PHLDB2: variants seen among roughly 807,000 people sequenced by gnomAD.
PHLDB2 encodes the protein pleckstrin homology like domain family B member 2.
Under a neutral mutation model 123.6 loss-of-function variants are expected in PHLDB2, and 71 were observed. The observed-to-expected ratio is 0.57, with a 90% CI of 0.47 to 0.70. The LOEUF (loss-of-function observed/expected upper bound fraction) is 0.70, where lower values mean the gene tolerates loss of function less well. Ranked by LOEUF, PHLDB2 falls within the 30% of genes least tolerant of loss-of-function variation. The pLI is 0.00. For missense variants in PHLDB2, 1,446 were observed against 1,519.5 expected, an observed-to-expected ratio of 0.95 and a Z score of 0.80; for synonymous variants, 547 against 541.6, an observed-to-expected ratio of 1.01 and a Z score of -0.14.
chr3:111,828,698 T>C (rs761455475), intron 1 of PHLDB2, among the ~76,000 whole-genome samples: 12 of 152,164 alleles, frequency 7.9e-5, no homozygotes, highest in Non-Finnish European at 1.6e-4. Context: ...GAAGAATCAT[T>C]TGAGCCTGGA....
intron 16 of PHLDB2, among the ~76,000 whole-genome samples, chr3:111,971,265 A>G (rs1192323399): frequency 1.3e-5 from 2 of 152,148 alleles, no homozygotes; most frequent in African/African-American, 4.8e-5. Context: ...ACTTCACACA[A>G]AACTGCTTCA....
intron 11 of PHLDB2, among the ~76,000 whole-genome samples, chr3:111,953,603 T>G (rs887209424): frequency 6.6e-6 from 1 of 152,318 alleles, no homozygotes; most frequent in South Asian, 2.1e-4. Flanking sequence ...GCATGCATTC[T>G]TGGCCCTGCA....
upstream of PHLDB2, among the ~76,000 whole-genome samples, chr3:111,856,464 A>G (rs1257416526): frequency 6.6e-6 from 1 of 152,242 alleles, no homozygotes; most frequent in African/African-American, 2.4e-5. Context: ...TCACCGCATC[A>G]ACTAATATTG....
At chr3:111,744,350 A>G (rs902235227) in intron 1 of PHLDB2, among the ~76,000 whole-genome samples, 1 of 152,242 alleles carries the variant, frequency 6.6e-6, no homozygotes, top group Non-Finnish European at 1.5e-5. Flanking sequence ...GGAAGTGTCA[A>G]TTGCTACAAC....
At chr3:111,965,000 G>C (rs1264820611) in intron 13 of PHLDB2, among the ~76,000 whole-genome samples, 1 of 152,116 alleles carries the variant, frequency 6.6e-6, no homozygotes, top group East Asian at 1.9e-4. Context: ...ATAATTTTAT[G>C]CCCTTATACG....
At chr3:111,850,107 C>A (rs1232179188) in intron 2 of PHLDB2, among the ~76,000 whole-genome samples, 3 of 152,186 alleles carry the variant, frequency 2.0e-5, no homozygotes, top group South Asian at 2.1e-4. Flanking sequence ...GTGATCCACC[C>A]ACCTCGGCCT....
chr3:111,975,296 AG>A lies in PHLDB2; in HGVS notation c.*734del, dbSNP rs1442555061. 1.3e-5 allele frequency: 2 copies of A among 152,198 alleles called. No individual in the cohort carries two copies. The highest frequency in any genetic ancestry group is 1.3e-4 in the Admixed American group (2 of 15,282). 9.4% of individuals were successfully genotyped at this position (152,198 alleles called of 1,614,324 possible). ...TTTTGTAAAAGAAGAAAGAGCAAAA[AG>A]CTGTGTGTTTTAGAAAAAAAAGCCA... is the stretch of plus-strand genomic sequence containing the variant. On this transcript the variant is annotated 3_prime_UTR_variant, in exon 18 of 18. Transcript: ENST00000431670.
chr3:111,939,545 G>A lies in PHLDB2; in HGVS notation c.2201G>A (p.Ser734Asn). The change falls in exon 7 of 18, where the codon AGC becomes AAC. Residue 734 changes from serine to asparagine, a missense_variant. This residue lies in a region of PHLDB2 where 594 missense variants were observed against 646.0 expected (regional missense o/e 0.92). Coordinates refer to ENST00000431670, the MANE Select transcript of PHLDB2 (RefSeq NM_001134438.2). Reference sequence around the variant, plus strand: ...GAGTTCCAGCAGCTTGAACATGAGAGCCGTCTAGATGAAGAAAAGGAGAAC... The same window carrying A: ...GAGTTCCAGCAGCTTGAACATGAGAACCGTCTAGATGAAGAAAAGGAGAAC... ...DLEFQQLEHE[S>N]RLDEEKENLT... The A allele has an allele frequency of 6.2e-7, 1 of 1,613,890 alleles. No homozygotes were observed. Among genetic ancestry groups the A allele is most frequent in the Non-Finnish European group, 8.5e-7 (1 of 1,179,870 alleles).
At chr3:111,834,695 C>A (rs1176858244) in intron 1 of PHLDB2, among the ~76,000 whole-genome samples, 2 of 151,900 alleles carry the variant, frequency 1.3e-5, no homozygotes, top group African/African-American at 4.8e-5. Context: ...ATAAATGCTG[C>A]CAAATTATTG....
intron 1 of PHLDB2, among the ~76,000 whole-genome samples, chr3:111,818,065 C>T (rs2062181196): frequency 6.6e-6 from 1 of 151,762 alleles, no homozygotes; most frequent in African/African-American, 2.4e-5. Context: ...TGAAAAAAGG[C>T]CTTTGATATA....
intron 1 of PHLDB2, among the ~76,000 whole-genome samples, chr3:111,765,810 A>T (rs1287699272): frequency 3.3e-5 from 5 of 152,194 alleles, no homozygotes; most frequent in African/African-American, 4.8e-5. Context: ...TTTGAAACTT[A>T]AGGTGGAAAA....
At chr3:111,775,890 TAA>T (rs1450482750) in intron 1 of PHLDB2, among the ~76,000 whole-genome samples, 1 of 152,178 alleles carries the variant, frequency 6.6e-6, no homozygotes, top group Non-Finnish European at 1.5e-5. Context: ...CTTTCTAAAA[TAA>T]GTTTTAAAAG....
At chr3:111,902,474 AAAAT>A (rs1225059065) in intron 2 of PHLDB2, among the ~76,000 whole-genome samples, 1 of 152,166 alleles carries the variant, frequency 6.6e-6, no homozygotes, top group Non-Finnish European at 1.5e-5. Flanking sequence ...GAAGAAAATA[AAAAT>A]AAATAAACAT....
intron 2 of PHLDB2, among the ~76,000 whole-genome samples, chr3:111,894,654 C>A (rs1696601): frequency 0.93 from 140,100 of 150,950 alleles, 65,104 homozygotes; most frequent in East Asian, 1. Flanking sequence ...CATTTCTCTA[C>A]TGACCAGTGA....
At chr3:111,872,415 A>C (rs1249345841) in intron 1 of PHLDB2, among the ~76,000 whole-genome samples, 1 of 151,630 alleles carries the variant, frequency 6.6e-6, no homozygotes. Context: ...TCCCTTCCCC[A>C]CTTCCCTCCC....
intron 1 of PHLDB2, among the ~76,000 whole-genome samples, chr3:111,876,283 C>CTG (rs2065615360): frequency 6.6e-6 from 1 of 152,086 alleles, no homozygotes; most frequent in Non-Finnish European, 1.5e-5. Flanking sequence ...TGACCCCTAC[C>CTG]TGTGTGTGTG....
rs769147841 is a variant in PHLDB2 at position 111,780,327 on chromosome 3, A to AGAGGAAGAAGAG, written c.-49+47626_-49+47627insGGAAGAAGAGGA. Among the ~76,000 whole-genome samples the AGAGGAAGAAGAG allele has an allele frequency of 5.8e-4, 6 of 10,388 alleles. 1 individual carries two copies. The highest frequency in any genetic ancestry group is 1.4e-3 in the Admixed American group (1 of 710). The allele number at this position is 10,388 out of a possible 152,430, so 6.8% of individuals were successfully genotyped here. A position where few individuals can be genotyped will look rare whatever the true frequency, so the allele number is the denominator to read the frequency against. On this transcript the variant is annotated intron_variant, in intron 1 of 17. Transcript: ENST00000393923. ...AGGAAGAGGAAGAGGAAGAGGAAGA[A>AGAGGAAGAAGAG]GAAGAAGAAGAAGAAGAAGAAGAAG... is the stretch of plus-strand genomic sequence containing the variant.
At position 111,892,314 on chromosome 3, in the gene PHLDB2, C is replaced by T. The variant is rs1050067776; in HGVS notation, c.1335+6902C>T. Among the ~76,000 whole-genome samples, 4 of 152,194 alleles carry T rather than the reference C, an allele frequency of 2.6e-5. No individual in the cohort carries two copies. The East Asian group carries it at 7.7e-4, about 29-fold the overall frequency. On this transcript the variant is annotated intron_variant, in intron 2 of 17. Transcript: ENST00000431670. ...TTGAAGGTGTTTTGTCCTTATAGTT[C>T]CCATGAAAGCACTTTATAACTATAT...
intron 2 of PHLDB2, 32 bp downstream of exon 2, chr3:111,885,444 CT>C (rs1278168518): frequency 3.1e-6 from 5 of 1,613,394 alleles, no homozygotes; most frequent in Middle Eastern, 1.6e-4. Flanking sequence ...ATTGACCTCA[CT>C]GTTTCATTAA....
Sources: gnomAD v4.1 joint callset for allele counts (sites outside exome capture counted in the v4.1 genomes callset) on GRCh38, gnomAD v4.1.1 for gene constraint, gnomAD v4.1.1 regional missense constraint, MANE v1.5 for transcripts, NCBI Gene and HGNC (gene_info 2026-07-23, HGNC 2026-07-21) for gene names.